RBFOX1: variants seen among roughly 807,000 people sequenced by gnomAD.
RBFOX1 encodes RNA binding protein fox-1 homolog 1.
In RBFOX1, 8 loss-of-function variants were observed where a neutral mutation model predicts 57.7. The observed-to-expected ratio is 0.14, with a 90% confidence interval of 0.08 to 0.25. The LOEUF (loss-of-function observed/expected upper bound fraction) is 0.25. Ranked by LOEUF, RBFOX1 falls within the 10% of genes least tolerant of loss-of-function variation. The pLI is 1.00. For missense variants in RBFOX1, 611 were observed against 548.5 expected (o/e 1.11, Z -1.14); for synonymous variants, 326 against 222.4 (o/e 1.47, Z -4.15).
chr16:6,700,887 C>G lies in RBFOX1; in HGVS notation c.-16+46237C>G, dbSNP rs557506624. Among the ~76,000 whole-genome samples, 7 of 152,222 alleles carry G rather than the reference C, an allele frequency of 4.6e-5. No homozygotes were observed. In the South Asian group the frequency reaches 6.2e-4, roughly 14 times the overall value. ...GTGTTTTTAATGCTCCAAATATCCT[C>G]TTTACCCAATTTGCTAGTCACGTCC... On this transcript the variant is annotated intron_variant, in intron 3 of 15. Coordinates refer to ENST00000550418, the MANE Select transcript of RBFOX1 (RefSeq NM_018723.4).
chr16:7,635,559 C>G (rs1393187127), intron 11 of RBFOX1, among the ~76,000 whole-genome samples: 1 of 151,758 alleles, frequency 6.6e-6, no homozygotes, highest in Non-Finnish European at 1.5e-5. Context: ...GACATACACA[C>G]ATGCAATGGT....
intron 1 of RBFOX1, among the ~76,000 whole-genome samples, chr16:5,253,757 C>G (rs1241290089): frequency 6.6e-6 from 1 of 152,250 alleles, no homozygotes; most frequent in Non-Finnish European, 1.5e-5. Flanking sequence ...TTTGCTCTCT[C>G]TGGCCTCTTT....
At chr16:7,694,489 A>C (rs973355678) in intron 14 of RBFOX1, among the ~76,000 whole-genome samples, 10 of 152,308 alleles carry the variant, frequency 6.6e-5, no homozygotes, top group Admixed American at 5.2e-4. Context: ...AACCTTCATA[A>C]CGGGTTAAAG....
chr16:7,446,864 G>T (rs1430219818), intron 4 of RBFOX1, among the ~76,000 whole-genome samples: 1 of 126,856 alleles, frequency 7.9e-6, no homozygotes, highest in Non-Finnish European at 1.6e-5. Context: ...CCAGGCTGCA[G>T]TGCAGGAGTG....
chr16:5,262,521 G>T (rs1414218699), intron 1 of RBFOX1, among the ~76,000 whole-genome samples: 2 of 152,088 alleles, frequency 1.3e-5, no homozygotes, highest in South Asian at 2.1e-4. Context: ...TATATCATTG[G>T]CTGTCCTGGG....
intron 1 of RBFOX1, among the ~76,000 whole-genome samples, chr16:6,233,057 C>G (rs753992653): frequency 6.6e-6 from 1 of 152,124 alleles, no homozygotes; most frequent in Non-Finnish European, 1.5e-5. Context: ...CGATACAGAT[C>G]TAACAGGGAA....
chr16:5,790,688 G>A (rs975731720), intron 3 of RBFOX1, among the ~76,000 whole-genome samples: 2 of 152,112 alleles, frequency 1.3e-5, no homozygotes, highest in East Asian at 1.9e-4. Context: ...CTACTCCACA[G>A]GGGCTGCCAT....
At chr16:5,844,290 G>C (rs1242400259) in intron 3 of RBFOX1, among the ~76,000 whole-genome samples, 9 of 152,162 alleles carry the variant, frequency 5.9e-5, no homozygotes, top group Admixed American at 5.9e-4. Flanking sequence ...GAGCAAAACT[G>C]CCGGCAAGAA....
intron 4 of RBFOX1, among the ~76,000 whole-genome samples, chr16:6,010,880 C>T (rs1388863309): frequency 4.0e-5 from 6 of 151,842 alleles, no homozygotes; most frequent in African/African-American, 1.2e-4. Context: ...GTGTCTTAAT[C>T]GAAGTATAAG....
intron 1 of RBFOX1, among the ~76,000 whole-genome samples, chr16:6,117,537 C>G (rs892263755): frequency 3.4e-4 from 51 of 152,208 alleles, no homozygotes; most frequent in African/African-American, 1.1e-3. Flanking sequence ...GAGATTAAGC[C>G]CATTGTACAA....
chr16:6,313,988 G>A (rs12919575), intron 1 of RBFOX1, among the ~76,000 whole-genome samples: 48,323 of 151,918 alleles, frequency 0.32, 8,141 homozygotes, highest in Middle Eastern at 0.41. Flanking sequence ...GACTTTACAG[G>A]TTCTTATTAG....
chr16:7,519,097 G>T (rs1438124683), intron 5 of RBFOX1, among the ~76,000 whole-genome samples: 1 of 152,176 alleles, frequency 6.6e-6, no homozygotes, highest in Non-Finnish European at 1.5e-5. Context: ...TAGGTGTACA[G>T]TTCACTGATT....
At chr16:5,895,390 G>A (rs971696382) in intron 4 of RBFOX1, among the ~76,000 whole-genome samples, 1 of 152,216 alleles carries the variant, frequency 6.6e-6, no homozygotes, top group African/African-American at 2.4e-5. Flanking sequence ...GCTTCTGGAA[G>A]TAGGAGCTGG....
At chr16:6,334,507 CAAAAA>C (rs35514991) in intron 2 of RBFOX1, among the ~76,000 whole-genome samples, 1 of 115,954 alleles carries the variant, frequency 8.6e-6, no homozygotes, top group Non-Finnish European at 1.7e-5. Flanking sequence ...GATAGCATCT[CAAAAA>C]AAAAAAAAAA....
intron 3 of RBFOX1, among the ~76,000 whole-genome samples, chr16:5,849,369 C>A (rs915863014): frequency 2.0e-5 from 3 of 152,012 alleles, no homozygotes; most frequent in African/African-American, 7.3e-5. Context: ...CACCATGAGG[C>A]CCTGCTTCCT....
chr16:5,648,260 C>G (rs936685678), intron 3 of RBFOX1, among the ~76,000 whole-genome samples: 1 of 152,204 alleles, frequency 6.6e-6, no homozygotes, highest in African/African-American at 2.4e-5. Context: ...TTCTCAAGTT[C>G]TCGGAGCCTC....
intron 1 of RBFOX1, among the ~76,000 whole-genome samples, chr16:5,284,756 A>AAT (rs1303967371): frequency 1.6e-5 from 1 of 61,032 alleles, no homozygotes. Context: ...TTTGGCTTAG[A>AAT]TTTTTTTTTT....
intron 3 of RBFOX1, 70 bp from the exon 4 acceptor site, chr16:7,051,987 T>C (rs986595251): frequency 2.5e-5 from 39 of 1,568,850 alleles, no homozygotes; most frequent in Non-Finnish European, 3.3e-5. Flanking sequence ...AAAGTAACTT[T>C]CTGTTTTCTT....
intron 4 of RBFOX1, among the ~76,000 whole-genome samples, chr16:7,251,082 A>G (rs906899720): frequency 3.3e-5 from 5 of 152,190 alleles, no homozygotes; most frequent in Non-Finnish European, 7.3e-5. Flanking sequence ...TATAGTCACC[A>G]TGTTAAACAA....
Sources: allele counts gnomAD v4.1 joint callset (sites outside exome capture counted in the v4.1 genomes callset), GRCh38; gene constraint gnomAD v4.1.1; transcripts MANE v1.5; gene names NCBI Gene and HGNC (gene_info 2026-07-23, HGNC 2026-07-21).